CCDC171: variants seen among roughly 807,000 people sequenced by gnomAD.
CCDC171 encodes coiled-coil domain-containing protein 171.
CCDC171 carries 177 observed loss-of-function variants against 168.2 expected under a neutral mutation model. The observed-to-expected ratio is 1.05, with a 90% CI of 0.93 to 1.19. The LOEUF (loss-of-function observed/expected upper bound fraction) is 1.19. Among genes scored for constraint, CCDC171 ranks in the 50% most tolerant of loss-of-function variants. The pLI is 0.00. For synonymous variants in CCDC171, 687 were observed against 540.8 expected (o/e 1.27, Z -3.75); for missense variants, 1,991 against 1,539.0 (o/e 1.29, Z -4.91).
chr9:16,081,852 C>G, the CCDC171 span, among the ~76,000 whole-genome samples: 4 of 150,040 alleles, frequency 2.7e-5, no homozygotes, highest in Non-Finnish European at 4.5e-5. Context: ...TTATTGATTA[C>G]TTTAAAAAAA....
intron 24 of CCDC171, chr9:15,886,374 C>A (rs551201120): frequency 6.6e-6 from 1 of 152,212 alleles, no homozygotes; most frequent in Admixed American, 6.5e-5. Flanking sequence ...GTGTTCAACA[C>A]CGCTAACCAT....
chr9:15,605,902 T>C (rs7042401), intron 6 of CCDC171, among the ~76,000 whole-genome samples: 83 of 152,308 alleles, frequency 5.4e-4, no homozygotes, highest in African/African-American at 1.9e-3. Flanking sequence ...CATTCTGTCA[T>C]GTGGATTTTC....
chr9:15,679,291 A>T (rs1436589918), intron 10 of CCDC171, among the ~76,000 whole-genome samples: 1 of 152,168 alleles, frequency 6.6e-6, no homozygotes, highest in Non-Finnish European at 1.5e-5. Flanking sequence ...TCCATTCCCC[A>T]GTAATCTAGC....
chr9:16,011,270 T>G (rs1832861146), intron 3 of CCDC171, among the ~76,000 whole-genome samples: 1 of 152,170 alleles, frequency 6.6e-6, no homozygotes, highest in African/African-American at 2.4e-5. Context: ...ACCCTTGGAC[T>G]TCCTTTGTTC....
intron 5 of CCDC171, 114 bp downstream of exon 5, chr9:15,591,670 TCCTC>T: frequency 1.5e-6 from 1 of 645,616 alleles, no homozygotes; most frequent in Non-Finnish European, 2.6e-6. Context: ...CCTCCTTCCT[TCCTC>T]CCTCCCATTT....
At chr9:16,081,922 AT>A in the CCDC171 span, among the ~76,000 whole-genome samples, 1 of 152,148 alleles carries the variant, frequency 6.6e-6, no homozygotes, top group East Asian at 1.9e-4. Flanking sequence ...CTGATCTAAT[AT>A]TTTATTCCTG....
chr9:16,060,834 CT>C (rs1226316697), exon 2 of CCDC171: 1 of 152,232 alleles, frequency 6.6e-6, no homozygotes, highest in African/African-American at 2.4e-5. Context: ...ACACAGATCT[CT>C]TTTCAAAAGC....
intron 3 of CCDC171, among the ~76,000 whole-genome samples, chr9:16,002,879 A>G (rs1832595241): frequency 6.6e-6 from 1 of 152,224 alleles, no homozygotes; most frequent in African/African-American, 2.4e-5. Context: ...AGTATTCAGT[A>G]CAGTAACATG....
At chr9:15,988,322 G>A (rs1220305044) in intron 3 of CCDC171, among the ~76,000 whole-genome samples, 1 of 152,192 alleles carries the variant, frequency 6.6e-6, no homozygotes, top group African/African-American at 2.4e-5. Flanking sequence ...GGACCAGGAA[G>A]TGAGTCCTCA....
intron 4 of CCDC171, among the ~76,000 whole-genome samples, chr9:15,590,944 G>T (rs954547341): frequency 6.6e-6 from 1 of 150,832 alleles, no homozygotes; most frequent in Non-Finnish European, 1.5e-5. Flanking sequence ...TGAACTCCTA[G>T]GCTCAAGTGA....
chr9:15,567,950 C>G (rs1214889185), intron 2 of CCDC171, among the ~76,000 whole-genome samples: 2 of 149,486 alleles, frequency 1.3e-5, no homozygotes, highest in Non-Finnish European at 3.0e-5. Context: ...CCATCCCTGG[C>G]CTTGCATTTC....
intron 6 of CCDC171, among the ~76,000 whole-genome samples, chr9:15,598,739 G>T (rs1205421123): frequency 6.6e-6 from 1 of 152,218 alleles, no homozygotes; most frequent in South Asian, 2.1e-4. Flanking sequence ...GTCTAATGTT[G>T]ACAGTGGGGT....
At chr9:16,003,084 T>G (rs1311482160) in intron 3 of CCDC171, among the ~76,000 whole-genome samples, 1 of 152,232 alleles carries the variant, frequency 6.6e-6, no homozygotes, top group Non-Finnish European at 1.5e-5. Context: ...CTCACCATGT[T>G]GATAACCCCT....
At chr9:15,960,124 A>T (rs1830202244) in intron 25 of CCDC171, among the ~76,000 whole-genome samples, 1 of 152,192 alleles carries the variant, frequency 6.6e-6, no homozygotes, top group Admixed American at 6.5e-5. Context: ...CTTTGTATCC[A>T]CAGAATAATG....
chr9:15,750,706 A>G (rs1050933024), intron 18 of CCDC171, among the ~76,000 whole-genome samples: 2 of 152,222 alleles, frequency 1.3e-5, no homozygotes, highest in Admixed American at 1.3e-4. Flanking sequence ...GATGCAGAAA[A>G]GGCCTTCGAC....
chr9:15,881,074 C>T (rs561146021), intron 24 of CCDC171, among the ~76,000 whole-genome samples: 2 of 152,220 alleles, frequency 1.3e-5, no homozygotes, highest in East Asian at 1.9e-4. Context: ...GATATGGGGC[C>T]TAACTTGAAT....
At chr9:15,589,427 G>A (rs1393627322) in intron 4 of CCDC171, among the ~76,000 whole-genome samples, 1 of 152,074 alleles carries the variant, frequency 6.6e-6, no homozygotes, top group East Asian at 1.9e-4. Context: ...TAGATCTTTA[G>A]ATAAATCCTG....
chr9:15,783,758 C>T (rs1483917301), intron 20 of CCDC171, among the ~76,000 whole-genome samples: 2 of 152,176 alleles, frequency 1.3e-5, no homozygotes. Flanking sequence ...GTACTGTGCC[C>T]TCCAAAGCAG....
chr9:15,654,004 T>C (rs2047731010), intron 7 of CCDC171, among the ~76,000 whole-genome samples: 1 of 152,180 alleles, frequency 6.6e-6, no homozygotes, highest in Admixed American at 6.5e-5. Flanking sequence ...CATTTCTTGG[T>C]TTTCAGAGTG....
Sources: gnomAD v4.1 joint callset for allele counts (sites outside exome capture counted in the v4.1 genomes callset) on GRCh38, gnomAD v4.1.1 for gene constraint, MANE v1.5 for transcripts, NCBI Gene and HGNC (gene_info 2026-07-23, HGNC 2026-07-21) for gene names.